SPC24: variants seen among roughly 807,000 people sequenced by gnomAD.
SPC24 encodes SPC24 component of NDC80 kinetochore complex, also known as kinetochore protein Spc24.
A neutral mutation model predicts 27.6 loss-of-function variants in SPC24; 31 were observed. The observed-to-expected ratio is 1.12, with a 90% CI of 0.84 to 1.52. The LOEUF (loss-of-function observed/expected upper bound fraction) is 1.52, where lower values mean the gene tolerates loss of function less well. Among genes scored for constraint, SPC24 ranks in the 40% most tolerant of loss-of-function variants. The pLI is 0.00. For synonymous variants in SPC24, 105 were observed against 105.8 expected, an observed-to-expected ratio of 0.99 and a Z score of 0.05; for missense variants, 284 against 252.5, an observed-to-expected ratio of 1.12 and a Z score of -0.84.
At chr19:11,151,644 C>G (rs2077872669) in intron 1 of SPC24, among the ~76,000 whole-genome samples, 1 of 150,946 alleles carries the variant, frequency 6.6e-6, no homozygotes, top group Non-Finnish European at 1.5e-5. Context: ...GAGTCTTGCC[C>G]TGTCATCCAG....
rs572945641 is a variant in SPC24, at chr19:11,153,642, C to T, written c.160+1975G>A. ...GGGCATGTTGGCACGTGCCTGTAAT[C>T]CCAGCTACTTGGCAGGCTGAGGCAG... is the stretch of plus-strand genomic sequence containing the variant. On this transcript the variant is annotated intron_variant, in intron 1 of 4. Transcript: ENST00000592540. Among the ~76,000 whole-genome samples the T allele has an allele frequency of 1.3e-3, 193 of 151,908 alleles. 2 individuals are homozygous for T. The highest frequency in any genetic ancestry group is 4.3e-3 in the African/African-American group (180 of 41,416).
intron 2 of SPC24, among the ~76,000 whole-genome samples, chr19:11,148,660 T>C (rs942798413): frequency 5.3e-5 from 8 of 151,892 alleles, no homozygotes; most frequent in Non-Finnish European, 7.4e-5. Context: ...GATTGATTGA[T>C]TGATTGAGAC....
At position 11,146,464 on chromosome 19, in the gene SPC24, G is replaced by GAAAAAAAAAAA. The variant is rs1255657612; in HGVS notation, c.*718_*719insTTTTTTTTTTT. On this transcript the variant is annotated 3_prime_UTR_variant, in exon 5 of 5. Coordinates refer to ENST00000592540, the MANE Select transcript of SPC24 (RefSeq NM_182513.4). ...GAAAATCAGGAGAAAAAGAAATCCAGTAAAAAAAAAAAAAAAAAAGGCCAG... is the reference window on the plus strand; with the variant it reads ...GAAAATCAGGAGAAAAAGAAATCCAGAAAAAAAAAAATAAAAAAAAAAAAAAAAAAGGCCAG... 4.7e-4 allele frequency: 5 copies of GAAAAAAAAAAA among 10,536 alleles called. No individual in the cohort carries two copies. Among genetic ancestry groups the GAAAAAAAAAAA allele is most frequent in the Non-Finnish European group, 1.1e-3 (3 of 2,712 alleles). The allele number at this position is 10,536 out of a possible 1,614,324, so 0.7% of individuals were successfully genotyped here. A position where few individuals can be genotyped will look rare whatever the true frequency, so the allele number is the denominator to read the frequency against.
chr19:11,147,318 G>GACACACAGCCCC (rs1568630237), intron 4 of SPC24, 29 bp from the exon 5 acceptor site: 3 of 1,472,332 alleles, frequency 2.0e-6, no homozygotes, highest in Non-Finnish European at 2.8e-6. Flanking sequence ...GAAAGCCCGG[G>GACACACAGCCCC]ACACACAGCC....
At position 11,155,710 on chromosome 19, in the gene SPC24, C is replaced by A. The variant is rs772909421; in HGVS notation, c.67G>T (p.Ala23Ser). 6.4e-6 allele frequency: 10 copies of A among 1,572,924 alleles called. No homozygotes were observed. The East Asian group carries it at 1.9e-4, about 30-fold the overall frequency. ...AGCAGCCGTCGCTGCTGCGCCTCCG[C>A]GCGGTTGGCGCCCAGCAGGCTGAGC... ...GLLSLLGANR[A>S]EAQQRRLLGR... is the part of the protein sequence containing the mutation. Residue 23 changes from alanine to serine, a missense_variant, in exon 1 of 5, where the codon GCG (alanine) becomes TCG (serine). Coordinates refer to ENST00000592540, the MANE Select transcript of SPC24 (RefSeq NM_182513.4).
At chr19:11,148,892 AG>A (rs2077849571) in intron 2 of SPC24, among the ~76,000 whole-genome samples, 1 of 152,140 alleles carries the variant, frequency 6.6e-6, no homozygotes, top group South Asian at 2.1e-4. Context: ...CTAGGATTAC[AG>A]GCGTGAGCCA....
intron 1 of SPC24, among the ~76,000 whole-genome samples, chr19:11,149,651 T>G (rs943679428): frequency 6.6e-6 from 1 of 151,616 alleles, no homozygotes; most frequent in African/African-American, 2.4e-5. Flanking sequence ...GAGGCCGAAG[T>G]GGGCAGATCA....
rs943003878 is a variant in SPC24, at chr19:11,147,265, T to C, written c.512A>G (p.Gln171Arg). Reference sequence around the variant, plus strand: ...CTGGGTGCTGTCCAGGTGGATGGGCTGGGCCACACTGGGGCCATGATGGAC... The same window carrying C: ...CTGGGTGCTGTCCAGGTGGATGGGCCGGGCCACACTGGGGCCATGATGGAC... ...KGIHHGPSVA[Q>R]PIHLDSTQLS... Residue 171 changes from glutamine to arginine, a missense_variant, in exon 5 of 5, where the codon CAG becomes CGG. Coordinates refer to ENST00000592540, the MANE Select transcript of SPC24 (RefSeq NM_182513.4). The C allele has an allele frequency of 1.3e-6, 2 of 1,566,664 alleles. No homozygotes were observed. The highest frequency in any genetic ancestry group is 1.7e-6 in the Non-Finnish European group (2 of 1,154,996).
At chr19:11,155,518 G>T in intron 1 of SPC24, 99 bp downstream of exon 1, 1 of 1,339,506 alleles carries the variant, frequency 7.5e-7, no homozygotes, top group Non-Finnish European at 9.9e-7. Flanking sequence ...GGAGATGGGA[G>T]AGTCCAGGAG....
Position 11,147,180 on chromosome 19 carries a change from T to C in SPC24, c.*3A>G. 4 of 1,548,640 alleles carry C rather than the reference T, an allele frequency of 2.6e-6. No individual in the cohort carries two copies. The highest frequency in any genetic ancestry group is 3.5e-6 in the Non-Finnish European group (4 of 1,144,774). ...GTGCAAGACGCAGCCACGAGGCTCC[T>C]GGCTACCACTCGGTGTCCACCAGAC... On this transcript the variant is annotated 3_prime_UTR_variant, in exon 5 of 5. Coordinates refer to ENST00000592540, the MANE Select transcript of SPC24 (RefSeq NM_182513.4).
At chr19:11,148,178 G>T in intron 2 of SPC24, 61 bp from the exon 3 acceptor site, 1 of 1,142,380 alleles carries the variant, frequency 8.8e-7, no homozygotes, top group Non-Finnish European at 1.3e-6. Context: ...GCTAACTGCA[G>T]CTGGGAGGCC....
Position 11,147,890 on chromosome 19 carries a change from C to T in SPC24, c.415G>A (p.Val139Met), listed in dbSNP as rs748700398. 1.1e-5 allele frequency: 17 copies of T among 1,541,566 alleles called. No homozygotes were observed. Among genetic ancestry groups the T allele is most frequent in the East Asian group, 2.3e-5 (1 of 43,786 alleles). ...CTAACTTGGTGGTAAAGTTGAGCCA[C>T]GTACCTGTACAGGAAGACAAAAAAA... ...TTVTIPSAVY[V>M]AQLYHQVSKI... The change falls in exon 4 of 5, where the codon GTG becomes ATG. Residue 139 changes from valine (V) to methionine (M), a missense_variant. Physicochemically the swap from Val to Met is conservative, Grantham distance 21. Transcript: ENST00000592540.
chr19:11,152,800 C>A (rs1447414933), intron 1 of SPC24, among the ~76,000 whole-genome samples: 1 of 151,998 alleles, frequency 6.6e-6, no homozygotes, highest in Admixed American at 6.6e-5. Flanking sequence ...GAGGGAAGAG[C>A]CTGCTTGGGA....
intron 1 of SPC24, among the ~76,000 whole-genome samples, chr19:11,153,030 G>A (rs568046699): frequency 1.6e-3 from 231 of 145,526 alleles, no homozygotes; most frequent in Middle Eastern, 3.4e-3. Flanking sequence ...AAATGTGACT[G>A]TATAAGGCAC....
intron 2 of SPC24, among the ~76,000 whole-genome samples, chr19:11,148,707 G>C (rs1039811015): frequency 1.2e-4 from 18 of 152,138 alleles, no homozygotes; most frequent in Non-Finnish European, 1.5e-5. Flanking sequence ...GAGTGCAGTG[G>C]CATGATCTCA....
chr19:11,149,646 C>T (rs1052159358), intron 1 of SPC24, among the ~76,000 whole-genome samples: 1 of 151,170 alleles, frequency 6.6e-6, no homozygotes, highest in Non-Finnish European at 1.5e-5. Context: ...TTTCGGAGGC[C>T]GAAGTGGGCA....
At chr19:11,152,974 G>A (rs892115) in intron 1 of SPC24, among the ~76,000 whole-genome samples, 1 of 151,482 alleles carries the variant, frequency 6.6e-6, no homozygotes, top group Admixed American at 6.6e-5. Flanking sequence ...CCACCCCGTG[G>A]ACTGGCTCCA....
At position 11,155,735 on chromosome 19, in the gene SPC24, C is replaced by G; in HGVS notation, c.42G>C (p.Leu14=). 1 of 1,577,804 alleles carries G rather than the reference C, an allele frequency of 6.3e-7. No homozygotes were observed. The highest frequency in any genetic ancestry group is 1.1e-5 in the South Asian group (1 of 88,128). ...CGCGGTTGGCGCCCAGCAGGCTGAG[C>G]AGCCCCTGGCTCACCTCCTCTATGT... ...FRDIEEVSQG[L]LSLLGANRAE... is the part of the protein sequence containing the mutation. Residue 14 remains leucine (L), a synonymous_variant, in exon 1 of 5, where the codon CTG becomes CTC. Coordinates refer to ENST00000592540, the MANE Select transcript of SPC24 (RefSeq NM_182513.4).
At position 11,146,760 on chromosome 19, in the gene SPC24, TCCGTCTCAAAAA is replaced by T. The variant is rs1179138195; in HGVS notation, c.*411_*422del. 8.0e-6 allele frequency: 1 copy of T among 125,644 alleles called. No individual in the cohort carries two copies. Among genetic ancestry groups the T allele is most frequent in the Non-Finnish European group, 1.6e-5 (1 of 63,010 alleles). 7.8% of individuals were successfully genotyped at this position (125,644 alleles called of 1,614,324 possible). A position where few individuals can be genotyped will look rare whatever the true frequency, so the allele number is the denominator to read the frequency against. On this transcript the variant is annotated 3_prime_UTR_variant, in exon 5 of 5. Coordinates refer to ENST00000592540, the MANE Select transcript of SPC24 (RefSeq NM_182513.4). ...TCCAGCCTGGGCGACAGAGTGAGAC[TCCGTCTCAAAAA>T]AAAAAAAAAAAGGAAGACGTCTAGC...
Sources: allele counts gnomAD v4.1 joint callset (sites outside exome capture counted in the v4.1 genomes callset), GRCh38; gene constraint gnomAD v4.1.1; transcripts MANE v1.5; gene names NCBI Gene and HGNC (gene_info 2026-07-23, HGNC 2026-07-21).